The following GATB variants were observed in gnomAD, a reference collection of about 807,000 sequenced individuals.
GATB encodes the protein glutamyl-tRNA amidotransferase subunit B, also known as glutamyl-tRNA(Gln) amidotransferase subunit B, mitochondrial.
In GATB, 39 loss-of-function variants were observed where a neutral mutation model predicts 62.3. The ratio of observed to expected loss-of-function variants is 0.63; its 90% CI spans 0.48 to 0.82. GATB has a LOEUF of 0.82. Among genes scored for constraint, GATB ranks in the 40% least tolerant of loss-of-function variants. The probability of loss-of-function intolerance (pLI) is 0.00; values close to 1 mark genes in which losing one functional copy is unlikely to be tolerated. For synonymous variants in GATB, 276 were observed against 258.9 expected (o/e 1.07, Z -0.63); for missense variants, 670 against 684.0 (o/e 0.98, Z 0.23).
At chr4:151,757,671 G>A (rs556658310) in intron 2 of GATB, among the ~76,000 whole-genome samples, 3 of 152,092 alleles carry the variant, frequency 2.0e-5, no homozygotes, top group South Asian at 2.1e-4. Context: ...TAGAGATGGG[G>A]TTTCACCGTG....
At chr4:151,701,642 A>G (rs1177404410) in intron 8 of GATB, 124 bp from the exon 9 acceptor site, 10 of 686,094 alleles carry the variant, frequency 1.5e-5, no homozygotes, top group Non-Finnish European at 1.9e-5. Context: ...ATATTTTCAA[A>G]TGTCCTATTA....
chr4:151,686,505 G>A (rs912473818), intron 10 of GATB, among the ~76,000 whole-genome samples: 3 of 151,706 alleles, frequency 2.0e-5, no homozygotes, highest in African/African-American at 7.3e-5. Flanking sequence ...GGCTCCCCCT[G>A]CCCCGGGACC....
intron 11 of GATB, among the ~76,000 whole-genome samples, chr4:151,678,451 C>G (rs1738058938): frequency 6.6e-6 from 1 of 152,150 alleles, no homozygotes; most frequent in Non-Finnish European, 1.5e-5. Context: ...CTCTCTCTCT[C>G]TCTCTCTACA....
chr4:151,724,799 G>C (rs1462447547), intron 2 of GATB, among the ~76,000 whole-genome samples: 2 of 152,016 alleles, frequency 1.3e-5, no homozygotes, highest in East Asian at 3.9e-4. Context: ...TCCCCAAACA[G>C]ACTGAGTTCC....
At chr4:151,688,924 G>A (rs1469072553) in intron 9 of GATB, among the ~76,000 whole-genome samples, 161 bp from the exon 10 acceptor site, 1 of 152,140 alleles carries the variant, frequency 6.6e-6, no homozygotes, top group Non-Finnish European at 1.5e-5. Context: ...ATCACTTTCA[G>A]CTAATGACAA....
intron 5 of GATB, among the ~76,000 whole-genome samples, chr4:151,708,622 C>T (rs1273657103): frequency 2.6e-5 from 4 of 152,204 alleles, no homozygotes; most frequent in East Asian, 1.9e-4. Context: ...AGGGCAAGAA[C>T]TGAAATCTGG....
Position 151,698,985 on chromosome 4 carries a change from G to GGT in GATB, c.1197+2342_1197+2343dup, listed in dbSNP as rs141784307. ...TCCTGTGGGCTGGTTATTGTAGTGG[G>GGT]GTGTGTGTGTGTGTGCATGTGTATG... On this transcript the variant is annotated intron_variant, in intron 9 of 12. Coordinates refer to ENST00000263985, the MANE Select transcript of GATB (RefSeq NM_004564.3). Among the ~76,000 whole-genome samples, 8 of 150,094 alleles carry GGT rather than the reference G, an allele frequency of 5.3e-5. No homozygotes were observed. In the South Asian group the frequency reaches 1.1e-3, roughly 20 times the overall value.
intron 6 of GATB, among the ~76,000 whole-genome samples, chr4:151,705,663 T>C (rs1387244275): frequency 6.6e-6 from 1 of 152,158 alleles, no homozygotes; most frequent in Non-Finnish European, 1.5e-5. Context: ...ATACACAAAG[T>C]GTGGGTTGTG....
chr4:151,685,776 G>A (rs545761832), intron 10 of GATB, among the ~76,000 whole-genome samples: 67 of 152,346 alleles, frequency 4.4e-4, no homozygotes, highest in African/African-American at 1.1e-3. Context: ...CAAGAGGCGC[G>A]GTGGCTCACG....
chr4:151,702,860 G>A lies in GATB; in HGVS notation c.1007+991C>T, dbSNP rs969677361. On this transcript the variant is annotated intron_variant, in intron 8 of 12. Coordinates refer to ENST00000263985, the MANE Select transcript of GATB (RefSeq NM_004564.3). ...TGGAGGGAATGGATTCGAAGCACACGCTACCCATCGGCTCACTGCCAGATC... is the reference window on the plus strand; with the variant it reads ...TGGAGGGAATGGATTCGAAGCACACACTACCCATCGGCTCACTGCCAGATC... Among the ~76,000 whole-genome samples the A allele has an allele frequency of 2.0e-5, 3 of 152,132 alleles. No individual in the cohort carries two copies. The East Asian group carries it at 5.8e-4, about 29-fold the overall frequency.
chr4:151,736,744 CGGTGG>C (rs1560862078), intron 2 of GATB, among the ~76,000 whole-genome samples: 43 of 152,242 alleles, frequency 2.8e-4, no homozygotes, highest in African/African-American at 9.9e-4. Context: ...GGGAGGGACC[CGGTGG>C]GAGGTAATTG....
chr4:151,721,873 G>A lies in GATB; in HGVS notation c.328-2335C>T, dbSNP rs375925885. ...ACCATCACAGACTCTCACTGTGTCC[G>A]TGTGCACACAAGCGCACGGGCACTT... On this transcript the variant is annotated intron_variant, in intron 2 of 12. Coordinates refer to ENST00000263985, the MANE Select transcript of GATB (RefSeq NM_004564.3). The A allele has an allele frequency of 2.5e-5, 8 of 324,012 alleles. No individual in the cohort carries two copies. The South Asian group carries it at 2.7e-4, about 11-fold the overall frequency. 20.1% of individuals were successfully genotyped at this position (324,012 alleles called of 1,614,324 possible). A position where few individuals can be genotyped will look rare whatever the true frequency, so the allele number is the denominator to read the frequency against.
At chr4:151,749,522 G>A (rs1444328384) in intron 2 of GATB, among the ~76,000 whole-genome samples, 1 of 150,898 alleles carries the variant, frequency 6.6e-6, no homozygotes, top group African/African-American at 2.4e-5. Flanking sequence ...GGGTGGGGGT[G>A]GGGGAGGGAT....
At chr4:151,672,567 A>C (rs1159679248) in intron 12 of GATB, 195 bp downstream of exon 12, 1 of 567,856 alleles carries the variant, frequency 1.8e-6, no homozygotes, top group African/African-American at 1.9e-5. Flanking sequence ...TAGGAAAAGA[A>C]GTTGTGTTTT....
chr4:151,753,235 G>A (rs1195683967), intron 2 of GATB, among the ~76,000 whole-genome samples: 1 of 152,130 alleles, frequency 6.6e-6, no homozygotes, highest in Non-Finnish European at 1.5e-5. Flanking sequence ...GGGTAGGGCA[G>A]CTGCAGAGGG....
chr4:151,680,814 G>A lies in GATB; in HGVS notation c.1332-923C>T, dbSNP rs111426525. On this transcript the variant is annotated intron_variant, in intron 10 of 12. Transcript: ENST00000263985. ...TCCCTAATCCGAAAGTCTGAAATCTGAAATGCTCCAGTGAGCATTTCCTTT... is the reference window on the plus strand; with the variant it reads ...TCCCTAATCCGAAAGTCTGAAATCTAAAATGCTCCAGTGAGCATTTCCTTT... Among the ~76,000 whole-genome samples, 647 of 152,288 alleles carry A rather than the reference G, an allele frequency of 4.2e-3. 6 individuals carry two copies. The highest frequency in any genetic ancestry group is 0.014 in the African/African-American group (583 of 41,562).
At chr4:151,700,004 A>C (rs545846189) in intron 9 of GATB, among the ~76,000 whole-genome samples, 1 of 152,342 alleles carries the variant, frequency 6.6e-6, no homozygotes, top group South Asian at 2.1e-4. Flanking sequence ...AATAAAAGGT[A>C]GGGCTAGAAT....
At chr4:151,741,458 T>A (rs1739483563) in intron 2 of GATB, among the ~76,000 whole-genome samples, 1 of 152,218 alleles carries the variant, frequency 6.6e-6, no homozygotes, top group African/African-American at 2.4e-5. Flanking sequence ...GTGCATATTT[T>A]TGAGGGAAAA....
intron 9 of GATB, among the ~76,000 whole-genome samples, chr4:151,694,291 C>G (rs1355359198): frequency 6.6e-6 from 1 of 152,098 alleles, no homozygotes; most frequent in Non-Finnish European, 1.5e-5. Context: ...CTGTGGGTCC[C>G]CAAGGCTGGC....
Sources: allele counts gnomAD v4.1 joint callset (sites outside exome capture counted in the v4.1 genomes callset), GRCh38; gene constraint gnomAD v4.1.1; transcripts MANE v1.5; gene names NCBI Gene and HGNC (gene_info 2026-07-23, HGNC 2026-07-21).